Variants in C6 observed in about 807,000 individuals in gnomAD.
C6 encodes the protein complement component C6.
Under a neutral mutation model 112.9 loss-of-function variants are expected in C6, and 101 were observed. That is an observed-to-expected ratio of 0.89 (90% CI 0.76 to 1.06). The LOEUF is 1.06. C6 is among the 50% of genes least tolerant of loss of function. The pLI is 0.00. For synonymous variants in C6, 431 were observed against 384.1 expected (o/e 1.12, Z -1.43); for missense variants, 1,202 against 1,104.6 (o/e 1.09, Z -1.25).
chr5:41,203,107 C>T lies in C6; in HGVS notation c.124G>A (p.Gly42Arg). Residue 42 changes from glycine (G) to arginine (R), a missense_variant, in exon 2 of 18, where the codon GGA becomes AGA. Gly to Arg is a moderately radical substitution (Grantham distance 125, BLOSUM62 -2). Coordinates refer to ENST00000337836, the MANE Select transcript of C6 (RefSeq NM_000065.5). ...WTSCSKTCNS[G>R]TQSRHRQIVV... ...ACCCACCTGTGTCTGCTCTGGGTTC[C>T]AGAATTGCAAGTTTTTGAGCAGCTG... 6.2e-7 allele frequency: 1 copy of T among 1,614,026 alleles called. No homozygotes were observed. Among genetic ancestry groups the T allele is most frequent in the Non-Finnish European group, 8.5e-7 (1 of 1,179,954 alleles).
At chr5:41,179,557 A>T (rs559748833) in intron 7 of C6, among the ~76,000 whole-genome samples, 14 of 151,984 alleles carry the variant, frequency 9.2e-5, no homozygotes, top group South Asian at 6.2e-4. Context: ...AGAGATGTGT[A>T]TTTTTACTTA....
At chr5:41,244,925 T>C (rs1382834024) in intron 1 of C6, among the ~76,000 whole-genome samples, 3 of 152,204 alleles carry the variant, frequency 2.0e-5, no homozygotes, top group African/African-American at 7.2e-5. Flanking sequence ...TGGTCCTCAT[T>C]TTTTCAGTTA....
intron 1 of C6, among the ~76,000 whole-genome samples, chr5:41,253,657 T>C (rs970014586): frequency 6.6e-6 from 1 of 152,210 alleles, no homozygotes; most frequent in Non-Finnish European, 1.5e-5. Flanking sequence ...TTTATTTAGC[T>C]TGTTTTTAGG....
intron 5 of C6, 74 bp downstream of exon 5, chr5:41,195,718 G>T: frequency 7.0e-7 from 1 of 1,420,484 alleles, no homozygotes; most frequent in Non-Finnish European, 9.9e-7. Flanking sequence ...GGACAATGAT[G>T]TATCTCATTG....
intron 1 of C6, among the ~76,000 whole-genome samples, chr5:41,208,617 C>A (rs1001234538): frequency 1.3e-5 from 2 of 152,164 alleles, no homozygotes; most frequent in African/African-American, 4.8e-5. Context: ...ACTAGAAAAT[C>A]TAGAAGAAAT....
intron 17 of C6, 141 bp from the exon 18 acceptor site, chr5:41,143,147 G>A (rs1745504767): frequency 2.8e-6 from 2 of 724,756 alleles, no homozygotes; most frequent in Non-Finnish European, 4.6e-6. Context: ...GAATGAGAAA[G>A]CCAAAAAATA....
intron 1 of C6, among the ~76,000 whole-genome samples, chr5:41,210,286 C>G (rs1751801861): frequency 6.6e-6 from 1 of 152,122 alleles, no homozygotes; most frequent in Non-Finnish European, 1.5e-5. Flanking sequence ...CTAGGCAATA[C>G]CATTCAGGAC....
In C6 at chr5:41,158,631, GT is replaced by G. The variant is rs760366967; in HGVS notation, c.1968+42del. The G allele has an allele frequency of 2.8e-6, 3 of 1,088,954 alleles. No homozygotes were observed. The Admixed American group carries it at 5.1e-5, about 18-fold the overall frequency. The allele number at this position is 1,088,954 out of a possible 1,614,324, so 67.5% of individuals were successfully genotyped here. On this transcript the variant is annotated intron_variant, in intron 13 of 17. Coordinates refer to ENST00000337836, the MANE Select transcript of C6 (RefSeq NM_000065.5). ...TAAAAGACAAGCTATACTTTTCGAGGTTTTTAAAACTACAAACCAAAAGTGA... is the reference window on the plus strand; with the variant it reads ...TAAAAGACAAGCTATACTTTTCGAGGTTTTAAAACTACAAACCAAAAGTGA...
At chr5:41,163,375 C>T (rs935129493) in intron 9 of C6, among the ~76,000 whole-genome samples, 6 of 146,592 alleles carry the variant, frequency 4.1e-5, no homozygotes, top group South Asian at 2.2e-4. Context: ...TGCATTGGTG[C>T]GATCTTAGCT....
chr5:41,257,562 T>C (rs1012160398), intron 1 of C6, among the ~76,000 whole-genome samples: 5 of 152,192 alleles, frequency 3.3e-5, no homozygotes, highest in Non-Finnish European at 5.9e-5. Flanking sequence ...GTTGAATGGT[T>C]ATTGCACTTG....
chr5:41,172,219 T>C lies in C6; in HGVS notation c.1291+6A>G, dbSNP rs1414873719. On this transcript the variant is annotated splice_donor_region_variant and intron_variant, in intron 9 of 17. Coordinates refer to ENST00000337836, the MANE Select transcript of C6 (RefSeq NM_000065.5). The stretch of plus-strand genomic sequence containing the variant: ...TGGATAAGCTGCTAAGAGAGAGTAC[T>C]GTTACCTTCATGTTTCTCTGACAGC... 1.9e-6 allele frequency: 3 copies of C among 1,613,702 alleles called. No homozygotes were observed. Among genetic ancestry groups the C allele is most frequent in the Non-Finnish European group, 2.5e-6 (3 of 1,179,690 alleles).
At chr5:41,256,759 G>A (rs181694795) in intron 1 of C6, among the ~76,000 whole-genome samples, 5 of 152,128 alleles carry the variant, frequency 3.3e-5, no homozygotes, top group Admixed American at 2.0e-4. Context: ...TGTACCTTAC[G>A]AGCAGATTGA....
At chr5:41,194,704 A>G (rs892842863) in intron 5 of C6, among the ~76,000 whole-genome samples, 5 of 147,742 alleles carry the variant, frequency 3.4e-5, no homozygotes, top group African/African-American at 9.9e-5. Context: ...GGGAGAGTAT[A>G]GGAGATTATC....
In C6 at chr5:41,149,322, C is replaced by A; in HGVS notation, c.2542G>T (p.Glu848Ter). 1 of 1,614,026 alleles carries A rather than the reference C, an allele frequency of 6.2e-7. No homozygotes were observed. Among genetic ancestry groups the A allele is most frequent in the Non-Finnish European group, 8.5e-7 (1 of 1,179,958 alleles). ...QDGRQLEWGL[E>*]RTRLSSNSTK... ...CTGTTGGATGAAAGTCTTGTCCTTT[C>A]AAGACCCCATTCTAACTGGCGGCCG... The change falls in exon 17 of 18, where the codon GAA becomes TAA. Residue 848 changes from glutamate (E) to a stop codon, truncating the protein, a stop_gained. Transcript: ENST00000337836. LOFTEE classifies it high-confidence loss of function.
At chr5:41,165,610 A>G (rs116056900) in intron 9 of C6, among the ~76,000 whole-genome samples, 48 of 152,156 alleles carry the variant, frequency 3.2e-4, no homozygotes, top group African/African-American at 1.2e-3. Context: ...TTCAACTACA[A>G]TTTTCCTATA....
chr5:41,213,414 C>T lies in C6; in HGVS notation c.-59G>A. On this transcript the variant is annotated 5_prime_UTR_variant, in exon 1 of 18. Coordinates refer to ENST00000337836, the MANE Select transcript of C6 (RefSeq NM_000065.5). ...TTGTGGTGTCCTCGGACCTAAGCTG[C>T]AAATTATTGGGGAAAAAATAGGTAT... 1.0e-6 allele frequency: 1 copy of T among 985,270 alleles called. No individual in the cohort carries two copies. The highest frequency in any genetic ancestry group is 4.7e-5 in the South Asian group (1 of 21,278). The allele number at this position is 985,270 out of a possible 1,614,324, so 61.0% of individuals were successfully genotyped here.
chr5:41,240,441 A>AT, intron 1 of C6, among the ~76,000 whole-genome samples: 1 of 152,114 alleles, frequency 6.6e-6, no homozygotes, highest in Non-Finnish European at 1.5e-5. Context: ...GCCGCTGAGC[A>AT]GCATGCATAG....
chr5:41,211,968 A>C (rs953763210), intron 1 of C6, among the ~76,000 whole-genome samples: 5 of 152,192 alleles, frequency 3.3e-5, no homozygotes, highest in Non-Finnish European at 7.3e-5. Context: ...GCAAAAACAG[A>C]ACCCTTATAA....
intron 1 of C6, among the ~76,000 whole-genome samples, chr5:41,247,907 A>G (rs1741121532): frequency 2.6e-5 from 4 of 152,156 alleles, no homozygotes; most frequent in Admixed American, 2.6e-4. Flanking sequence ...AGCTGGAGGT[A>G]TTATATTACC....
Sources: gnomAD v4.1 joint callset for allele counts (sites outside exome capture counted in the v4.1 genomes callset) on GRCh38, gnomAD v4.1.1 for gene constraint, MANE v1.5 for transcripts, NCBI Gene and HGNC (gene_info 2026-07-23, HGNC 2026-07-21) for gene names.